Variants in PANK1 observed in about 807,000 individuals in gnomAD.
PANK1 encodes pantothenic acid kinase 1.
PANK1 carries 18 observed loss-of-function variants against 40.1 expected under a neutral mutation model. That is an observed-to-expected ratio of 0.45 (90% CI 0.31 to 0.67). The LOEUF (loss-of-function observed/expected upper bound fraction) is 0.67. Among genes scored for constraint, PANK1 ranks in the 30% least tolerant of loss-of-function variants. The probability of loss-of-function intolerance (pLI) is 0.06; values close to 1 mark genes in which losing one functional copy is unlikely to be tolerated. For missense variants in PANK1, 457 were observed against 599.6 expected (o/e 0.76, Z 2.48); for synonymous variants, 242 against 237.7 (o/e 1.02, Z -0.17).
At chr10:89,603,305 G>A (rs1013299560) in intron 2 of PANK1, among the ~76,000 whole-genome samples, 5 of 152,092 alleles carry the variant, frequency 3.3e-5, no homozygotes, top group Non-Finnish European at 7.3e-5. Flanking sequence ...AACCCAGTAG[G>A]TGCTGGCTGT....
intron 1 of PANK1, among the ~76,000 whole-genome samples, chr10:89,637,547 G>A (rs1841857934): frequency 6.6e-6 from 1 of 152,106 alleles, no homozygotes; most frequent in African/African-American, 2.4e-5. Context: ...CATAGAAAAG[G>A]TACAGTAAAA....
intron 1 of PANK1, among the ~76,000 whole-genome samples, chr10:89,641,708 G>A (rs1433136874): frequency 4.6e-5 from 7 of 151,044 alleles, no homozygotes; most frequent in Admixed American, 1.3e-4. Context: ...CTCCAGCCTC[G>A]GCGACAGAGC....
intron 2 of PANK1, among the ~76,000 whole-genome samples, chr10:89,603,203 G>A (rs796422065): frequency 9.9e-5 from 15 of 152,222 alleles, no homozygotes; most frequent in African/African-American, 3.4e-4. Flanking sequence ...AATTTCCATC[G>A]TATAATCACC....
At chr10:89,608,746 G>A (rs1051485318) in intron 2 of PANK1, among the ~76,000 whole-genome samples, 2 of 152,130 alleles carry the variant, frequency 1.3e-5, no homozygotes, top group Non-Finnish European at 2.9e-5. Flanking sequence ...GACTTTATAG[G>A]TATGTAGATG....
intron 1 of PANK1, among the ~76,000 whole-genome samples, chr10:89,616,441 T>G (rs1845320567): frequency 1.3e-5 from 2 of 152,220 alleles, no homozygotes; most frequent in Admixed American, 1.3e-4. Flanking sequence ...GCTACACAGT[T>G]ATGAGAATCA....
intron 1 of PANK1, among the ~76,000 whole-genome samples, chr10:89,615,210 C>A (rs11185792): frequency 0.15 from 23,108 of 152,152 alleles, 2,210 homozygotes; most frequent in East Asian, 0.46. Context: ...CACAACAAGA[C>A]CCAAACAAGC....
intron 2 of PANK1, among the ~76,000 whole-genome samples, chr10:89,608,859 A>G (rs891351531): frequency 2.6e-5 from 4 of 152,186 alleles, no homozygotes; most frequent in African/African-American, 9.7e-5. Context: ...AGAAATGAGG[A>G]GAGCTTGGAT....
At chr10:89,586,404 G>C (rs1168227783) in intron 6 of PANK1, among the ~76,000 whole-genome samples, 1 of 152,080 alleles carries the variant, frequency 6.6e-6, no homozygotes, top group Non-Finnish European at 1.5e-5. Flanking sequence ...GCTGTGGGGG[G>C]TAGGGAGTGG....
At chr10:89,594,336 G>A (rs994337941) in intron 3 of PANK1, among the ~76,000 whole-genome samples, 3 of 152,094 alleles carry the variant, frequency 2.0e-5, no homozygotes, top group Non-Finnish European at 4.4e-5. Context: ...CTTCTATTTG[G>A]GTGGTCTGAA....
At chr10:89,614,917 G>T (rs1845272486) in intron 1 of PANK1, among the ~76,000 whole-genome samples, 1 of 152,062 alleles carries the variant, frequency 6.6e-6, no homozygotes, top group African/African-American at 2.4e-5. Context: ...ATTTGGTTTA[G>T]GGAGAGGAAG....
At position 89,644,921 on chromosome 10, in the gene PANK1, C is replaced by A; in HGVS notation, c.-30G>T. On this transcript the variant is annotated 5_prime_UTR_variant, in exon 1 of 7. Transcript: ENST00000307534. ...GGGGCTGGCGGGGCTGTGCGCGGGC[C>A]CCGGCTCAGGCGGCCTCGCTGGAGG... 3 of 1,548,718 alleles carry A rather than the reference C, an allele frequency of 1.9e-6. No individual in the cohort carries two copies. The highest frequency in any genetic ancestry group is 2.8e-5 in the African/African-American group (2 of 70,238).
intron 1 of PANK1, among the ~76,000 whole-genome samples, chr10:89,618,469 G>T (rs749549687): frequency 3.9e-5 from 6 of 152,184 alleles, no homozygotes; most frequent in Non-Finnish European, 7.3e-5. Context: ...CAGATACTGT[G>T]CTGGGTGAGA....
rs1423412136 is a variant in PANK1, at chr10:89,599,512, C to G, written c.646-7G>C. ...GCAGCTGCAGGTCAGCAATCTAAAA[C>G]AAAACACACAACAAAATAAAACCTT... On this transcript the variant is annotated splice_polypyrimidine_tract_variant and splice_region_variant and intron_variant, in intron 2 of 6. Coordinates refer to ENST00000307534, the MANE Select transcript of PANK1 (RefSeq NM_148977.3). 28 of 1,609,660 alleles carry G rather than the reference C, an allele frequency of 1.7e-5. No individual in the cohort carries two copies. The highest frequency in any genetic ancestry group is 2.2e-5 in the Non-Finnish European group (26 of 1,177,522).
intron 3 of PANK1, among the ~76,000 whole-genome samples, chr10:89,595,204 A>G (rs368973767): frequency 6.6e-6 from 1 of 152,322 alleles, no homozygotes; most frequent in South Asian, 2.1e-4. Flanking sequence ...TAATACCAGC[A>G]CTTTGGGAGG....
intron 2 of PANK1, among the ~76,000 whole-genome samples, chr10:89,609,671 A>G (rs11185787): frequency 0.54 from 82,635 of 152,120 alleles, 23,328 homozygotes; most frequent in South Asian, 0.63. Context: ...TCTTTCACAG[A>G]TGGATGCCCA....
rs756947576 is a variant in PANK1 at position 89,644,886 on chromosome 10, G to A, written c.6C>T (p.Gly2=). The part of the protein sequence containing the change: M[G]DRSGQQERSV... Reference sequence around the variant, plus strand: ...AGCGCTCCTGCTGCCCGCTGCGGTCGCCCATGCCGGGGGCTGGCGGGGCTG... The same window carrying A: ...AGCGCTCCTGCTGCCCGCTGCGGTCACCCATGCCGGGGGCTGGCGGGGCTG... Residue 2 remains glycine (G), a synonymous_variant, in exon 1 of 7, where the codon GGC becomes GGT. Coordinates refer to ENST00000307534, the MANE Select transcript of PANK1 (RefSeq NM_148977.3). 5 of 1,504,936 alleles carry A rather than the reference G, an allele frequency of 3.3e-6. No homozygotes were observed. The South Asian group carries it at 5.0e-5, about 15-fold the overall frequency. 93.2% of individuals were successfully genotyped at this position (1,504,936 alleles called of 1,614,324 possible).
intron 2 of PANK1, among the ~76,000 whole-genome samples, chr10:89,603,331 G>C (rs539897367): frequency 1.6e-4 from 24 of 152,086 alleles, no homozygotes; most frequent in Admixed American, 3.3e-4. Flanking sequence ...CCCTCTGCTT[G>C]TAACTCTCCT....
intron 2 of PANK1, among the ~76,000 whole-genome samples, chr10:89,610,476 C>A (rs995244098): frequency 5.4e-5 from 8 of 147,500 alleles, no homozygotes; most frequent in Non-Finnish European, 9.0e-5. Context: ...AAAAAAAAAA[C>A]AAAAACTGAA....
At position 89,584,427 on chromosome 10, in the gene PANK1, G is replaced by A; in HGVS notation, c.1365C>T (p.Phe455=). ...GTCTCTACTTGTCATCAGTCATTTT[G>A]AACAGTTCCAACAGTGCCCCAACGG... The part of the protein sequence containing the change: ...FGAVGALLEL[F]KMTDDK The change falls in exon 7 of 7, where the codon TTC becomes TTT. Residue 455 remains phenylalanine, a synonymous_variant. Coordinates refer to ENST00000307534, the MANE Select transcript of PANK1 (RefSeq NM_148977.3). 1 of 1,607,712 alleles carries A rather than the reference G, an allele frequency of 6.2e-7. No individual in the cohort carries two copies. The highest frequency in any genetic ancestry group is 8.5e-7 in the Non-Finnish European group (1 of 1,174,246).
Sources: gnomAD v4.1 joint callset for allele counts (sites outside exome capture counted in the v4.1 genomes callset) on GRCh38, gnomAD v4.1.1 for gene constraint, MANE v1.5 for transcripts, NCBI Gene and HGNC (gene_info 2026-07-23, HGNC 2026-07-21) for gene names.